FLT3: variants seen among roughly 807,000 people sequenced by gnomAD.
The protein encoded by FLT3 is receptor-type tyrosine-protein kinase FLT3.
A neutral mutation model predicts 126.6 loss-of-function variants in FLT3; 46 were observed. The observed-to-expected ratio is 0.36, with a 90% CI of 0.29 to 0.46. The LOEUF (loss-of-function observed/expected upper bound fraction) is 0.46, where lower values mean the gene tolerates loss of function less well. Among genes scored for constraint, FLT3 ranks in the 20% least tolerant of loss-of-function variants. The pLI is 1.00. For synonymous variants in FLT3, 404 were observed against 434.4 expected, an observed-to-expected ratio of 0.93 and a Z score of 0.87; for missense variants, 1,069 against 1,190.3, an observed-to-expected ratio of 0.90 and a Z score of 1.50.
intron 15 of FLT3, among the ~76,000 whole-genome samples, chr13:28,031,786 G>A (rs1404705774): frequency 6.6e-6 from 1 of 152,208 alleles, no homozygotes; most frequent in Non-Finnish European, 1.5e-5. Context: ...GGGGTGCCGA[G>A]AGCAAGAGGT....
intron 1 of FLT3, among the ~76,000 whole-genome samples, chr13:28,089,466 G>A (rs938533503): frequency 1.3e-5 from 2 of 151,438 alleles, no homozygotes; most frequent in Admixed American, 1.3e-4. Context: ...CAAATGACCA[G>A]TCGCTGGTTA....
chr13:28,061,806 A>G (rs944248820), intron 3 of FLT3, 61 bp downstream of exon 3: 2 of 1,387,352 alleles, frequency 1.4e-6, no homozygotes, highest in Non-Finnish European at 2.0e-6. Flanking sequence ...CATGAACAGA[A>G]ACTTGAAACA....
intron 1 of FLT3, among the ~76,000 whole-genome samples, chr13:28,091,815 A>T (rs1037303142): frequency 1.3e-5 from 2 of 152,060 alleles, no homozygotes; most frequent in Admixed American, 1.3e-4. Flanking sequence ...TACGCCTGTA[A>T]TCCCAGCACT....
chr13:28,004,146 G>A lies in FLT3; in HGVS notation c.2888C>T (p.Ser963Leu), dbSNP rs138003347. The change falls in exon 24 of 24, where the codon TCG (serine) becomes TTG (leucine). Residue 963 changes from serine (S) to leucine (L), a missense_variant. Transcript: ENST00000241453. Reference protein sequence around the residue: ...AMYQNVDGRVSECPHTYQNRR... With the variant: ...AMYQNVDGRVLECPHTYQNRR... The stretch of plus-strand genomic sequence containing the variant: ...GTTTTGGTAGGTGTGAGGACATTCC[G>A]AAACACGGCCATCCACATTCTGATA... 3.8e-4 allele frequency: 608 copies of A among 1,613,884 alleles called. 2 individuals are homozygous for A. The highest frequency in any genetic ancestry group is 5.6e-4 in the South Asian group (51 of 91,060).
chr13:28,063,021 A>G (rs906878264), intron 2 of FLT3, among the ~76,000 whole-genome samples: 1 of 152,158 alleles, frequency 6.6e-6, no homozygotes, highest in Non-Finnish European at 1.5e-5. Context: ...TATAAAATCT[A>G]TAATATATAG....
At chr13:28,061,614 T>C (rs1453363314) in intron 3 of FLT3, among the ~76,000 whole-genome samples, 1 of 148,568 alleles carries the variant, frequency 6.7e-6, no homozygotes, top group Non-Finnish European at 1.5e-5. Flanking sequence ...AGAAAAAATT[T>C]AAAAAATTAG....
chr13:28,060,466 TAAAAA>T (rs10629301), intron 3 of FLT3, among the ~76,000 whole-genome samples: 1 of 135,356 alleles, frequency 7.4e-6, no homozygotes. Context: ...TAAAAATATT[TAAAAA>T]AAAAAAAAAG....
intron 1 of FLT3, among the ~76,000 whole-genome samples, chr13:28,078,958 C>A (rs921499708): frequency 6.6e-6 from 1 of 152,172 alleles, no homozygotes; most frequent in African/African-American, 2.4e-5. Context: ...GTGATCCCCC[C>A]GCCTTGGCCT....
intron 9 of FLT3, among the ~76,000 whole-genome samples, chr13:28,041,079 G>A (rs1874336615): frequency 6.6e-6 from 1 of 152,132 alleles, no homozygotes; most frequent in African/African-American, 2.4e-5. Context: ...CCTATTTCTG[G>A]ACAACAAGGA....
Position 28,041,902 on chromosome 13 carries a change from C to T in FLT3, c.1206-4614G>A, listed in dbSNP as rs186804382. On this transcript the variant is annotated intron_variant, in intron 9 of 23. Transcript: ENST00000241453. ...GAACGATGGCTCACGCCTGCAATCC[C>T]AACACTTTGGGAGGCCAAAGGAGGA... 3.8e-4 allele frequency among the ~76,000 whole-genome samples: 58 copies of T among 152,246 alleles called. 1 individual carries two copies. Among genetic ancestry groups the T allele is most frequent in the Admixed American group, 3.7e-3 (57 of 15,292 alleles).
intron 9 of FLT3, among the ~76,000 whole-genome samples, chr13:28,041,463 T>C (rs7334327): frequency 0.74 from 111,916 of 151,552 alleles, 41,410 homozygotes; most frequent in South Asian, 0.86. Context: ...CCTCAGTCTT[T>C]TGTGCTGTCT....
At chr13:28,068,815 G>A (rs773777863) in intron 2 of FLT3, among the ~76,000 whole-genome samples, 4 of 152,126 alleles carry the variant, frequency 2.6e-5, no homozygotes, top group Non-Finnish European at 4.4e-5. Context: ...CAGCTCAAGC[G>A]ATCCACCCAC....
chr13:28,049,922 C>T, intron 6 of FLT3, 148 bp from the exon 7 acceptor site: 2 of 1,104,710 alleles, frequency 1.8e-6, no homozygotes, highest in Admixed American at 2.7e-5. Flanking sequence ...AGACTGACTC[C>T]TCTTTTATGA....
intron 1 of FLT3, among the ~76,000 whole-genome samples, chr13:28,090,335 C>T (rs764825978): frequency 6.6e-6 from 1 of 151,090 alleles, no homozygotes; most frequent in Non-Finnish European, 1.5e-5. Context: ...TGTGCACCAC[C>T]ATGAGGGAAC....
intron 1 of FLT3, among the ~76,000 whole-genome samples, chr13:28,076,091 A>G (rs5020786): frequency 0.71 from 107,073 of 151,826 alleles, 39,674 homozygotes; most frequent in East Asian, 0.95. Flanking sequence ...GCCACTGCAC[A>G]TGGCCCTTCA....
chr13:28,049,638 C>A lies in FLT3; in HGVS notation c.879G>T (p.Glu293Asp). The A allele has an allele frequency of 6.2e-7, 1 of 1,614,086 alleles. No individual in the cohort carries two copies. The highest frequency in any genetic ancestry group is 8.5e-7 in the Non-Finnish European group (1 of 1,179,982). ...LTWELENKAL[E>D]EGNYFEMSTY... ...GAATACAAACTTGTCCTATTACCTC[C>A]TCGAGTGCTTTGTTTTCTAATTCCC... Residue 293 changes from glutamate to aspartate, a missense_variant, in exon 7 of 24, where the codon GAG becomes GAT. Glu to Asp is a conservative substitution (Grantham distance 45). Transcript: ENST00000241453.
At chr13:28,006,226 ACTT>A (rs920550607) in intron 23 of FLT3, among the ~76,000 whole-genome samples, 6 of 151,904 alleles carry the variant, frequency 3.9e-5, no homozygotes, top group Non-Finnish European at 7.4e-5. Flanking sequence ...GTTACTGTCT[ACTT>A]CTTTTTCTTT....
At chr13:28,054,879 T>C (rs574808380) in intron 4 of FLT3, among the ~76,000 whole-genome samples, 279 of 152,364 alleles carry the variant, frequency 1.8e-3, no homozygotes, top group African/African-American at 6.4e-3. Flanking sequence ...TTAGGTTTCA[T>C]GTTCCAAAAA....
rs1156672223 is a variant in FLT3 at position 28,037,295 on chromosome 13, G to A, written c.1206-7C>T. 7 of 1,558,300 alleles carry A rather than the reference G, an allele frequency of 4.5e-6. No homozygotes were observed. The highest frequency in any genetic ancestry group is 6.2e-6 in the Non-Finnish European group (7 of 1,130,056). ...ATTGCAAAACTTGGATATGCTGTTT[G>A]AAAAAGAATTAAAGACAGATTTAGC... On this transcript the variant is annotated splice_polypyrimidine_tract_variant and splice_region_variant and intron_variant, in intron 9 of 23. Transcript: ENST00000241453.
Sources: allele counts gnomAD v4.1 joint callset (sites outside exome capture counted in the v4.1 genomes callset), GRCh38; gene constraint gnomAD v4.1.1; transcripts MANE v1.5; gene names NCBI Gene and HGNC (gene_info 2026-07-23, HGNC 2026-07-21).